The following MAL2 variants were observed in gnomAD, a reference collection of about 807,000 sequenced individuals.
MAL2 encodes the protein mal, T cell differentiation protein 2.
MAL2 carries 17 observed loss-of-function variants against 18.1 expected under a neutral mutation model. That is an observed-to-expected ratio of 0.94 (90% CI 0.64 to 1.41). MAL2 has a LOEUF of 1.41. Among genes scored for constraint, MAL2 ranks in the 40% most tolerant of loss-of-function variants. The pLI is 0.00. For synonymous variants in MAL2, 102 were observed against 102.3 expected, an observed-to-expected ratio of 1.00 and a Z score of 0.02; for missense variants, 222 against 231.9, an observed-to-expected ratio of 0.96 and a Z score of 0.28.
Position 119,245,424 on chromosome 8 carries a change from T to C in MAL2, c.*1936T>C, listed in dbSNP as rs1310775681. On this transcript the variant is annotated 3_prime_UTR_variant, in exon 4 of 4. Coordinates refer to ENST00000614891, the MANE Select transcript of MAL2 (RefSeq NM_052886.3). ...CTTTGGTGGCACTTTTGTAAACAGA[T>C]TGCTTCTAGATTGTTACAAACCAAG... is the stretch of plus-strand genomic sequence containing the variant. The C allele has an allele frequency of 2.0e-5, 3 of 152,606 alleles. No individual in the cohort carries two copies. The highest frequency in any genetic ancestry group is 7.2e-5 in the African/African-American group (3 of 41,450). The allele number at this position is 152,606 out of a possible 1,614,324, so 9.5% of individuals were successfully genotyped here. A position where few individuals can be genotyped will look rare whatever the true frequency, so the allele number is the denominator to read the frequency against.
chr8:119,242,739 C>T (rs1237317902), intron 3 of MAL2, among the ~76,000 whole-genome samples: 1 of 151,436 alleles, frequency 6.6e-6, no homozygotes, highest in Non-Finnish European at 1.5e-5. Flanking sequence ...ATTTATCAAA[C>T]ATTTATCATG....
chr8:119,220,549 C>A (rs1243909868), intron 1 of MAL2, among the ~76,000 whole-genome samples: 1 of 152,178 alleles, frequency 6.6e-6, no homozygotes, highest in Admixed American at 6.5e-5. Flanking sequence ...TTTGTCATCG[C>A]CCTTAGGTGA....
At chr8:119,224,525 A>G (rs908302824) in intron 2 of MAL2, among the ~76,000 whole-genome samples, 1 of 152,100 alleles carries the variant, frequency 6.6e-6, no homozygotes, top group African/African-American at 2.4e-5. Context: ...ACATCACTTA[A>G]TATATTGGTT....
intron 2 of MAL2, among the ~76,000 whole-genome samples, chr8:119,228,113 C>T (rs971987289): frequency 2.6e-5 from 4 of 152,196 alleles, no homozygotes; most frequent in African/African-American, 4.8e-5. Flanking sequence ...GAGGGCAATA[C>T]ATGCTCCTTA....
rs1170590253 is a variant in MAL2 at position 119,219,725 on chromosome 8, CAT to C, written c.133-1858_133-1857del. Among the ~76,000 whole-genome samples, 6 of 151,596 alleles carry C rather than the reference CAT, an allele frequency of 4.0e-5. No homozygotes were observed. In the East Asian group the frequency reaches 7.8e-4, roughly 20 times the overall value. On this transcript the variant is annotated intron_variant, in intron 1 of 3. Transcript: ENST00000614891. ...TAATAAATGGCTTGGGATGCAGAGA[CAT>C]ATAAAGCAGTATGCTGCCAAGAAGG...
intron 2 of MAL2, among the ~76,000 whole-genome samples, chr8:119,234,558 T>TG (rs1244767761): frequency 6.6e-6 from 1 of 152,142 alleles, no homozygotes; most frequent in Admixed American, 6.5e-5. Context: ...TAAATGTCCC[T>TG]GTCTGACAGC....
chr8:119,208,793 T>A lies in MAL2; in HGVS notation c.132+189T>A. On this transcript the variant is annotated intron_variant, in intron 1 of 3. Coordinates refer to ENST00000614891, the MANE Select transcript of MAL2 (RefSeq NM_052886.3). This position sits in a 1 kb window ranked among gnomAD's most constrained non-coding sequence, Gnocchi z 4.3. ...CGCCCGGGCCCTCCCTCCTAGCACC[T>A]GTTACGCGGGCACCTGCTCCCCCGC... 3 of 921,868 alleles carry A rather than the reference T, an allele frequency of 3.3e-6. No homozygotes were observed. The highest frequency in any genetic ancestry group is 2.8e-6 in the Non-Finnish European group (2 of 711,730). The allele number at this position is 921,868 out of a possible 1,614,324, so 57.1% of individuals were successfully genotyped here.
intron 2 of MAL2, among the ~76,000 whole-genome samples, chr8:119,231,017 G>C (rs1232579596): frequency 6.6e-6 from 1 of 151,596 alleles, no homozygotes; most frequent in Non-Finnish European, 1.5e-5. Context: ...TTAGATGTGA[G>C]AACAGTTTTT....
At chr8:119,226,196 G>T (rs1353304532) in intron 2 of MAL2, among the ~76,000 whole-genome samples, 2 of 152,094 alleles carry the variant, frequency 1.3e-5, no homozygotes, top group South Asian at 4.1e-4. Flanking sequence ...TGGTGTTTTA[G>T]ACATGAAGTC....
chr8:119,225,592 G>A (rs908334427), intron 2 of MAL2, among the ~76,000 whole-genome samples: 16 of 152,258 alleles, frequency 1.1e-4, no homozygotes, highest in African/African-American at 2.9e-4. Flanking sequence ...GTGTGCATGT[G>A]TCTTTATAGC....
chr8:119,225,295 G>A lies in MAL2; in HGVS notation c.303+3538G>A, dbSNP rs556229008. Among the ~76,000 whole-genome samples the A allele has an allele frequency of 2.2e-4, 32 of 145,396 alleles. No homozygotes were observed. In the East Asian group the frequency reaches 4.9e-3, roughly 22 times the overall value. On this transcript the variant is annotated intron_variant, in intron 2 of 3. Coordinates refer to ENST00000614891, the MANE Select transcript of MAL2 (RefSeq NM_052886.3). ...CTCCCCCCACCCCACAACAGGCCCC[G>A]GTGTGTGATGTTCCCCTTCCTGTGT...
intron 2 of MAL2, among the ~76,000 whole-genome samples, chr8:119,231,100 T>G (rs780668865): frequency 6.6e-6 from 1 of 152,122 alleles, no homozygotes; most frequent in Non-Finnish European, 1.5e-5. Flanking sequence ...GATGCAGTCT[T>G]GGCTCACTGC....
chr8:119,212,601 A>C (rs1461905839), intron 1 of MAL2, among the ~76,000 whole-genome samples: 1 of 152,248 alleles, frequency 6.6e-6, no homozygotes, highest in Non-Finnish European at 1.5e-5. Flanking sequence ...GGTTTATAAA[A>C]AGTATTGTGG....
chr8:119,208,548 C>A lies in MAL2; in HGVS notation c.76C>A (p.Pro26Thr), dbSNP rs1164277695. 2.1e-6 allele frequency: 3 copies of A among 1,399,768 alleles called. No individual in the cohort carries two copies. Among genetic ancestry groups the A allele is most frequent in the Non-Finnish European group, 2.8e-6 (3 of 1,072,226 alleles). The allele number at this position is 1,399,768 out of a possible 1,614,324, so 86.7% of individuals were successfully genotyped here. ...VSFPPPRVTL[P>T]AGPDILRTYS... ...CTTCCCGCCGCCCCGGGTCACCCTG[C>A]CCGCCGGCCCCGACATCCTGCGGAC... Residue 26 changes from proline to threonine, a missense_variant, in exon 1 of 4, where the codon CCC becomes ACC. Transcript: ENST00000614891. This position sits in a 1 kb window ranked among gnomAD's most constrained non-coding sequence, Gnocchi z 4.3.
intron 1 of MAL2, among the ~76,000 whole-genome samples, chr8:119,219,029 G>C (rs1033601366): frequency 6.6e-6 from 1 of 152,094 alleles, no homozygotes; most frequent in Non-Finnish European, 1.5e-5. Flanking sequence ...TACTTATATC[G>C]CCTTCAGATA....
chr8:119,234,429 C>T (rs534322467), intron 2 of MAL2, among the ~76,000 whole-genome samples: 3 of 152,164 alleles, frequency 2.0e-5, no homozygotes, highest in Admixed American at 6.5e-5. Flanking sequence ...CAAAGCAGCC[C>T]GGAAGCTCGA....
At chr8:119,222,760 C>T (rs1470851189) in intron 2 of MAL2, among the ~76,000 whole-genome samples, 2 of 149,694 alleles carry the variant, frequency 1.3e-5, no homozygotes, top group Admixed American at 6.7e-5. Context: ...CCCAGGAAGT[C>T]GAGGCTGCAG....
intron 2 of MAL2, among the ~76,000 whole-genome samples, chr8:119,235,837 T>C (rs903030682): frequency 7.7e-6 from 1 of 129,536 alleles, no homozygotes; most frequent in African/African-American, 3.3e-5. Context: ...CGCTGCAAAA[T>C]CATGCCAAAA....
intron 1 of MAL2, among the ~76,000 whole-genome samples, chr8:119,217,893 A>T (rs1817384422): frequency 6.6e-6 from 1 of 152,218 alleles, no homozygotes; most frequent in Admixed American, 6.5e-5. Flanking sequence ...AAGTGAATAT[A>T]CTGAGCATTG....
Sources: gnomAD v4.1 joint callset for allele counts (sites outside exome capture counted in the v4.1 genomes callset) on GRCh38, gnomAD v4.1.1 for gene constraint, Gnocchi (gnomAD v3.1) non-coding constraint, MANE v1.5 for transcripts, NCBI Gene and HGNC (gene_info 2026-07-23, HGNC 2026-07-21) for gene names.